The following STMN1 variants were observed in gnomAD, a reference collection of about 807,000 sequenced individuals.
STMN1 encodes the protein stathmin 1.
Under a neutral mutation model 19.7 loss-of-function variants are expected in STMN1, and 3 were observed. That is an observed-to-expected ratio of 0.15 (90% CI 0.07 to 0.39). STMN1 has a LOEUF of 0.39. Ranked by LOEUF, STMN1 falls within the 10% of genes least tolerant of loss-of-function variation. The pLI is 1.00. For missense variants in STMN1, 99 were observed against 176.0 expected (o/e 0.56, Z 2.48); for synonymous variants, 59 against 58.9 (o/e 1.00, Z -0.01).
chr1:25,892,180 G>A (rs879406765), intron 4 of STMN1, among the ~76,000 whole-genome samples: 4 of 152,180 alleles, frequency 2.6e-5, no homozygotes, highest in Non-Finnish European at 5.9e-5. Flanking sequence ...ACCTGAGGTC[G>A]AGTTCGAGAC....
intron 4 of STMN1, among the ~76,000 whole-genome samples, chr1:25,891,128 T>C (rs770883947): frequency 6.6e-6 from 1 of 150,538 alleles, no homozygotes; most frequent in Non-Finnish European, 1.5e-5. Flanking sequence ...AGGTCAGGAG[T>C]TCAAGACCAG....
intron 4 of STMN1, chr1:25,889,225 A>C: frequency 1.1e-5 from 3 of 280,884 alleles, no homozygotes; most frequent in Non-Finnish European, 2.1e-5. Flanking sequence ...TATTGGGAAT[A>C]CATTTTTCCT....
chr1:25,885,709 T>A (rs1414834263), exon 5 of STMN1: 2 of 1,546,666 alleles, frequency 1.3e-6, no homozygotes, highest in Non-Finnish European at 1.7e-6. Flanking sequence ...CAACAGCAAA[T>A]ATTTATTAAG....
chr1:25,895,857 C>T (rs2048814655), downstream of STMN1, among the ~76,000 whole-genome samples: 1 of 152,224 alleles, frequency 6.6e-6, no homozygotes, highest in Non-Finnish European at 1.5e-5. Flanking sequence ...GGTGCAGACC[C>T]TTCATTTGCT....
In STMN1 at chr1:25,906,068, G is replaced by GGGAA. The variant is rs1298195274; in HGVS notation, c.-63+317_-63+320dup. On this transcript the variant is annotated intron_variant, in intron 1 of 4. Coordinates refer to ENST00000455785, the MANE Select transcript of STMN1 (RefSeq NM_005563.4). This position sits in a 1 kb window ranked among gnomAD's most constrained non-coding sequence, Gnocchi z 4.5. ...AATGGGGAACCCGGCGGGGCCCGCAGGGAAGGGAGGGAGGGAGGGAGGTAA... is the reference window on the plus strand; with the variant it reads ...AATGGGGAACCCGGCGGGGCCCGCAGGGAAGGAAGGGAGGGAGGGAGGGAGGTAA... 1 of 152,202 alleles carries GGGAA rather than the reference G, an allele frequency of 6.6e-6. No individual in the cohort carries two copies. Among genetic ancestry groups the GGGAA allele is most frequent in the African/African-American group, 2.4e-5 (1 of 41,390 alleles). 9.4% of individuals were successfully genotyped at this position (152,202 alleles called of 1,614,324 possible).
downstream of STMN1, among the ~76,000 whole-genome samples, chr1:25,898,152 A>C (rs930807622): frequency 6.6e-6 from 1 of 152,262 alleles, no homozygotes; most frequent in Non-Finnish European, 1.5e-5. Flanking sequence ...ACTGCTTAGA[A>C]TAAAAAAATG....
At chr1:25,903,542 A>G in intron 3 of STMN1, 99 bp downstream of exon 3, 1 of 1,479,176 alleles carries the variant, frequency 6.8e-7, no homozygotes, top group Non-Finnish European at 9.3e-7. Context: ...TAATAATCAC[A>G]GTGTAGCTAC....
intron 4 of STMN1, among the ~76,000 whole-genome samples, chr1:25,891,190 G>A (rs538320387): frequency 4.6e-5 from 7 of 152,014 alleles, no homozygotes; most frequent in South Asian, 4.2e-4. Flanking sequence ...AAAATTTGCC[G>A]GGCATGGTGG....
Position 25,900,762 on chromosome 1 carries a change from G to A in STMN1, c.*254C>T, listed in dbSNP as rs1444334824. 3.8e-6 allele frequency: 5 copies of A among 1,307,468 alleles called. No homozygotes were observed. The highest frequency in any genetic ancestry group is 4.9e-6 in the Non-Finnish European group (5 of 1,028,734). 81.0% of individuals were successfully genotyped at this position (1,307,468 alleles called of 1,614,324 possible). A position where few individuals can be genotyped will look rare whatever the true frequency, so the allele number is the denominator to read the frequency against. On this transcript the variant is annotated 3_prime_UTR_variant, in exon 5 of 5. Coordinates refer to ENST00000455785, the MANE Select transcript of STMN1 (RefSeq NM_005563.4). ...ATTAACCCAGTACACCAAGTGTACT[G>A]AAGTAGAAAAGATGCAACAAGAAAA...
Position 25,900,132 on chromosome 1 carries a change from T to C in STMN1, c.*884A>G. 2 of 985,786 alleles carry C rather than the reference T, an allele frequency of 2.0e-6. No homozygotes were observed. Among genetic ancestry groups the C allele is most frequent in the East Asian group, 2.3e-4 (2 of 8,806 alleles). The allele number at this position is 985,786 out of a possible 1,614,324, so 61.1% of individuals were successfully genotyped here. ...TCACAGGAGTTGCTACAGCAGTACATAAAGTTTTATTAATATTCTGATTCT... is the reference window on the plus strand; with the variant it reads ...TCACAGGAGTTGCTACAGCAGTACACAAAGTTTTATTAATATTCTGATTCT... On this transcript the variant is annotated 3_prime_UTR_variant, in exon 5 of 5. Coordinates refer to ENST00000455785, the MANE Select transcript of STMN1 (RefSeq NM_005563.4).
Position 25,901,054 on chromosome 1 carries a change from CTT to C in STMN1, c.410_411del (p.Lys137ArgfsTer7). 6.5e-7 allele frequency: 1 copy of C among 1,537,686 alleles called. No individual in the cohort carries two copies. Among genetic ancestry groups the C allele is most frequent in the Non-Finnish European group, 8.8e-7 (1 of 1,139,016 alleles). On this transcript the variant is annotated frameshift_variant, in exon 5 of 5. Transcript: ENST00000455785. LOFTEE classifies it high-confidence loss of function. ...GTCTCGTCAGCAGGGTCTTTGGATTCTTTGTTCTTCCGCACTTCTTCAATGTG... is the reference window on the plus strand; with the variant it reads ...GTCTCGTCAGCAGGGTCTTTGGATTCTGTTCTTCCGCACTTCTTCAATGTG... ...DKHIEEVRKN[K>X]ESKDPADETE...
downstream of STMN1, among the ~76,000 whole-genome samples, chr1:25,899,373 C>T (rs1176485683): frequency 6.6e-6 from 1 of 152,178 alleles, no homozygotes; most frequent in African/African-American, 2.4e-5. Flanking sequence ...AGACAGGAGC[C>T]AAGATGAACT....
At chr1:25,894,768 C>T (rs1333632372) in intron 4 of STMN1, among the ~76,000 whole-genome samples, 1 of 152,076 alleles carries the variant, frequency 6.6e-6, no homozygotes, top group African/African-American at 2.4e-5. Context: ...CTTGCTATGT[C>T]TCTAAATAAA....
At chr1:25,898,781 C>G (rs892318783), downstream of STMN1, among the ~76,000 whole-genome samples, 17 of 152,228 alleles carry the variant, frequency 1.1e-4, no homozygotes, top group Non-Finnish European at 2.9e-5. Flanking sequence ...GAGGCTGGCC[C>G]CACTGGGACA....
exon 5 of STMN1, chr1:25,885,560 A>C (rs1319135008): frequency 1.1e-6 from 1 of 935,716 alleles, no homozygotes; most frequent in Non-Finnish European, 1.5e-6. Context: ...CAGATGAGTA[A>C]ACTGAGGCTC....
chr1:25,901,116 TCAAAAA>T, intron 4 of STMN1, 29 bp from the exon 5 acceptor site: 1 of 969,028 alleles, frequency 1.0e-6, no homozygotes, highest in Non-Finnish European at 1.3e-6. Context: ...GTGTCATCAG[TCAAAAA>T]AAAAAAAAAA....
downstream of STMN1, among the ~76,000 whole-genome samples, chr1:25,897,329 AAAG>A (rs1308137023): frequency 3.4e-5 from 5 of 146,856 alleles, no homozygotes; most frequent in African/African-American, 9.9e-5. Context: ...AAAAAAAAGA[AAAG>A]AAAAAATTTG....
At position 25,903,674 on chromosome 1, in the gene STMN1, C is replaced by T; in HGVS notation, c.153G>A (p.Gln51=). The change falls in exon 3 of 5, where the codon CAG becomes CAA. Residue 51 remains glutamine, a synonymous_variant. Transcript: ENST00000455785. ...TTTCTTCTGCAGCTTCTAATTTCTT[C>T]TGAATTTCCTCCAGGGAAAGATCCT... ...KKKDLSLEEI[Q]KKLEAAEERR... 1 of 1,613,240 alleles carries T rather than the reference C, an allele frequency of 6.2e-7. No homozygotes were observed. Among genetic ancestry groups the T allele is most frequent in the African/African-American group, 1.3e-5 (1 of 74,984 alleles).
chr1:25,890,004 C>T (rs1046798236), intron 4 of STMN1, among the ~76,000 whole-genome samples: 4 of 152,184 alleles, frequency 2.6e-5, no homozygotes, highest in African/African-American at 7.2e-5. Context: ...ATCCTAATCT[C>T]TTTTATAGTC....
Sources: gnomAD v4.1 joint callset for allele counts (sites outside exome capture counted in the v4.1 genomes callset) on GRCh38, gnomAD v4.1.1 for gene constraint, Gnocchi (gnomAD v3.1) non-coding constraint, MANE v1.5 for transcripts, NCBI Gene and HGNC (gene_info 2026-07-23, HGNC 2026-07-21) for gene names.